CNOT6: variants seen among roughly 807,000 people sequenced by gnomAD.
CNOT6 encodes the protein carbon catabolite repression 4 protein.
In CNOT6, 12 loss-of-function variants were observed where a neutral mutation model predicts 61.2. The ratio of observed to expected loss-of-function variants is 0.20; its 90% CI spans 0.13 to 0.32. The LOEUF is 0.32. CNOT6 is among the 10% of genes least tolerant of loss of function. The pLI is 1.00. For missense variants in CNOT6, 405 were observed against 663.9 expected, an observed-to-expected ratio of 0.61 and a Z score of 4.28; for synonymous variants, 225 against 240.6, an observed-to-expected ratio of 0.94 and a Z score of 0.60.
At chr5:180,540,502 A>G (rs923274077) in intron 2 of CNOT6, among the ~76,000 whole-genome samples, 9 of 152,086 alleles carry the variant, frequency 5.9e-5, no homozygotes, top group Non-Finnish European at 7.3e-5. Context: ...TGACCATTCT[A>G]TTTTTCACTT....
rs369770382 is a variant in CNOT6, at chr5:180,574,158, C to A, written c.1632C>A (p.Phe544Leu). 1.2e-6 allele frequency: 2 copies of A among 1,614,160 alleles called. No homozygotes were observed. The highest frequency in any genetic ancestry group is 1.7e-6 in the Non-Finnish European group (2 of 1,180,026). Residue 544 changes from phenylalanine (F) to leucine (L), a missense_variant, in exon 12 of 12, where the codon TTC becomes TTA. Transcript: ENST00000261951. ...LFAQLELLLP[F>L]LPQVNGIHLP... The stretch of plus-strand genomic sequence containing the variant: ...CACAACTGGAGCTCTTACTGCCTTT[C>A]CTGCCCCAAGTCAACGGCATCCACC...
At chr5:180,518,319 C>A (rs901329153) in intron 1 of CNOT6, among the ~76,000 whole-genome samples, 1 of 152,106 alleles carries the variant, frequency 6.6e-6, no homozygotes, top group Non-Finnish European at 1.5e-5. Flanking sequence ...ACATTTCCTG[C>A]CCATCTTTTG....
At chr5:180,544,076 G>T (rs1203900586) in intron 2 of CNOT6, among the ~76,000 whole-genome samples, 1 of 152,210 alleles carries the variant, frequency 6.6e-6, no homozygotes, top group Non-Finnish European at 1.5e-5. Flanking sequence ...CTCCCAAAGT[G>T]CTGGGATTAC....
intron 2 of CNOT6, among the ~76,000 whole-genome samples, chr5:180,530,843 G>C: frequency 6.6e-6 from 1 of 152,136 alleles, no homozygotes; most frequent in Non-Finnish European, 1.5e-5. Flanking sequence ...ATTTAACCCT[G>C]AGTGGACACA....
At chr5:180,496,280 C>G (rs1345555158) in intron 1 of CNOT6, among the ~76,000 whole-genome samples, 1 of 152,150 alleles carries the variant, frequency 6.6e-6, no homozygotes, top group African/African-American at 2.4e-5. Flanking sequence ...GATCTGTGAT[C>G]TACTCCAGGT....
chr5:180,542,163 TCTTCG>T (rs1759081065), intron 2 of CNOT6, among the ~76,000 whole-genome samples: 2 of 152,290 alleles, frequency 1.3e-5, no homozygotes, highest in East Asian at 3.9e-4. Context: ...TAATGATGTG[TCTTCG>T]TGTAGTTTTC....
chr5:180,564,809 A>G, intron 6 of CNOT6, 66 bp downstream of exon 6: 1 of 1,195,874 alleles, frequency 8.4e-7, no homozygotes, highest in South Asian at 1.3e-5. Context: ...CAGTATTGTC[A>G]GCATGCTTAG....
At chr5:180,573,441 G>A (rs1760852884) in intron 11 of CNOT6, among the ~76,000 whole-genome samples, 1 of 152,096 alleles carries the variant, frequency 6.6e-6, no homozygotes, top group African/African-American at 2.4e-5. Context: ...GTAGGAGCAG[G>A]ATTCAGGAAG....
chr5:180,506,420 T>A (rs1465131943), intron 1 of CNOT6, among the ~76,000 whole-genome samples: 1 of 152,200 alleles, frequency 6.6e-6, no homozygotes, highest in East Asian at 1.9e-4. Context: ...TAGTGTCTGC[T>A]CACAAGAGTT....
intron 2 of CNOT6, among the ~76,000 whole-genome samples, chr5:180,545,602 ATTTG>A (rs1759277673): frequency 2.0e-5 from 3 of 152,070 alleles, no homozygotes; most frequent in Non-Finnish European, 2.9e-5. Flanking sequence ...CTACGCCAGC[ATTTG>A]TTTATTTGTT....
At chr5:180,557,121 C>T (rs1050804219) in intron 4 of CNOT6, among the ~76,000 whole-genome samples, 3 of 152,122 alleles carry the variant, frequency 2.0e-5, no homozygotes, top group South Asian at 4.1e-4. Flanking sequence ...ATAAATGTCT[C>T]GTGGTTAGTT....
intron 2 of CNOT6, among the ~76,000 whole-genome samples, chr5:180,546,955 A>T (rs750171464): frequency 1.3e-5 from 2 of 152,238 alleles, no homozygotes; most frequent in East Asian, 3.8e-4. Flanking sequence ...CTTGAAATTC[A>T]TTTATGGTTC....
intron 1 of CNOT6, among the ~76,000 whole-genome samples, chr5:180,519,714 CTTATT>C (rs1453407674): frequency 1.3e-5 from 2 of 148,542 alleles, no homozygotes; most frequent in African/African-American, 5.0e-5. Flanking sequence ...TCTTGGGTCT[CTTATT>C]TAATGTTTGA....
chr5:180,517,983 A>G (rs1452537647), intron 1 of CNOT6, among the ~76,000 whole-genome samples: 1 of 142,422 alleles, frequency 7.0e-6, no homozygotes, highest in Non-Finnish European at 1.6e-5. Flanking sequence ...CTTGCAGTCC[A>G]TATGCTGTCT....
chr5:180,526,042 C>A (rs1345032999), intron 1 of CNOT6, among the ~76,000 whole-genome samples: 1 of 152,162 alleles, frequency 6.6e-6, no homozygotes, highest in East Asian at 1.9e-4. Context: ...AAGTGTTCCT[C>A]CCTCCCCAGC....
chr5:180,517,399 G>T (rs1461564425), intron 1 of CNOT6, among the ~76,000 whole-genome samples: 1 of 152,074 alleles, frequency 6.6e-6, no homozygotes, highest in Non-Finnish European at 1.5e-5. Context: ...GCAGTGCTGG[G>T]ATTACAGGCA....
intron 1 of CNOT6, among the ~76,000 whole-genome samples, chr5:180,497,065 C>T (rs137944190): frequency 2.0e-5 from 3 of 152,118 alleles, no homozygotes; most frequent in South Asian, 2.1e-4. Context: ...CGGTGACTCA[C>T]GCCTGTAATC....
At chr5:180,527,431 A>T (rs1323653569) in intron 1 of CNOT6, among the ~76,000 whole-genome samples, 2 of 152,162 alleles carry the variant, frequency 1.3e-5, no homozygotes, top group African/African-American at 4.8e-5. Flanking sequence ...TTTTACTTTA[A>T]AAAAATTTTT....
intron 2 of CNOT6, among the ~76,000 whole-genome samples, chr5:180,547,262 G>T (rs1447768543): frequency 6.6e-6 from 1 of 152,014 alleles, no homozygotes; most frequent in African/African-American, 2.4e-5. Flanking sequence ...CCTCACGCCT[G>T]TATTCCCAGC....
Sources: allele counts gnomAD v4.1 joint callset (sites outside exome capture counted in the v4.1 genomes callset), GRCh38; gene constraint gnomAD v4.1.1; transcripts MANE v1.5; gene names NCBI Gene and HGNC (gene_info 2026-07-23, HGNC 2026-07-21).